Variants in CASZ1 observed in about 807,000 individuals in gnomAD.
CASZ1 encodes castor zinc finger 1, also known as zinc finger protein castor homolog 1.
In CASZ1, 28 loss-of-function variants were observed where a neutral mutation model predicts 135.2. The observed-to-expected ratio is 0.21, with a 90% CI of 0.15 to 0.28. The LOEUF (loss-of-function observed/expected upper bound fraction) is 0.28, where lower values mean the gene tolerates loss of function less well. Ranked by LOEUF, CASZ1 falls within the 10% of genes least tolerant of loss-of-function variation. The probability of loss-of-function intolerance (pLI) is 1.00; values close to 1 mark genes in which losing one functional copy is unlikely to be tolerated. For synonymous variants in CASZ1, 1,068 were observed against 1,073.4 expected, an observed-to-expected ratio of 0.99 and a Z score of 0.10; for missense variants, 2,161 against 2,453.3, an observed-to-expected ratio of 0.88 and a Z score of 2.52.
At chr1:10,793,438 G>T (rs555087062) in intron 1 of CASZ1, among the ~76,000 whole-genome samples, 1 of 152,108 alleles carries the variant, frequency 6.6e-6, no homozygotes, top group Non-Finnish European at 1.5e-5. Flanking sequence ...GTCTCGGCAA[G>T]GTGCAAAGTC....
rs1205544350 is a variant in CASZ1 at position 10,747,637 on chromosome 1, GTGACATCAAAGGC to G, written c.-77+13051_-77+13063del. ...CAAGAAACGGGAAAGAACCTGCCTT[GTGACATCAAAGGC>G]TGACATCAAAGGCTGCAGGGTCGAC... On this transcript the variant is annotated intron_variant, in intron 2 of 20. Coordinates refer to ENST00000377022, the MANE Select transcript of CASZ1 (RefSeq NM_001079843.3). The surrounding 1 kb of genome is among the most constrained non-coding windows in gnomAD (Gnocchi z 4.3). Among the ~76,000 whole-genome samples the G allele has an allele frequency of 2.0e-5, 3 of 152,114 alleles. No homozygotes were observed. The highest frequency in any genetic ancestry group is 2.9e-5 in the Non-Finnish European group (2 of 68,014).
chr1:10,747,246 G>A lies in CASZ1; in HGVS notation c.-77+13455C>T, dbSNP rs1367917828. Among the ~76,000 whole-genome samples, 1 of 152,214 alleles carries A rather than the reference G, an allele frequency of 6.6e-6. No homozygotes were observed. The highest frequency in any genetic ancestry group is 1.5e-5 in the Non-Finnish European group (1 of 68,042). ...CTAAGGGTGGGGCTGGGAAGCAAAG[G>A]GGAAGCCGTCCTTGGGAAGGTGGGG... On this transcript the variant is annotated intron_variant, in intron 2 of 20. Coordinates refer to ENST00000377022, the MANE Select transcript of CASZ1 (RefSeq NM_001079843.3). The surrounding 1 kb of genome is among the most constrained non-coding windows in gnomAD (Gnocchi z 4.3).
chr1:10,695,820 C>T (rs1004394723), intron 3 of CASZ1, among the ~76,000 whole-genome samples: 1 of 152,142 alleles, frequency 6.6e-6, no homozygotes, highest in East Asian at 1.9e-4. Flanking sequence ...ACTTAAGTGA[C>T]GCATCCGGCC....
chr1:10,649,460 A>G, intron 13 of CASZ1, 23 bp from the exon 14 acceptor site: 1 of 1,593,844 alleles, frequency 6.3e-7, no homozygotes, highest in Non-Finnish European at 8.6e-7. Flanking sequence ...GAGGCCGAGC[A>G]TGGGGCTGGG....
At chr1:10,663,311 C>T (rs1214509139) in intron 5 of CASZ1, among the ~76,000 whole-genome samples, 1 of 152,108 alleles carries the variant, frequency 6.6e-6, no homozygotes, top group Non-Finnish European at 1.5e-5. Flanking sequence ...AGGCTGTGGG[C>T]TCCGGGGAGG....
At chr1:10,669,424 A>G (rs1268748068) in intron 4 of CASZ1, among the ~76,000 whole-genome samples, 1 of 152,232 alleles carries the variant, frequency 6.6e-6, no homozygotes, top group Non-Finnish European at 1.5e-5. Flanking sequence ...GATTGCTACA[A>G]TAAATAATTT....
chr1:10,641,982 T>C (rs946150069), intron 20 of CASZ1: 17 of 150,240 alleles, frequency 1.1e-4, no homozygotes, highest in African/African-American at 3.9e-4. Flanking sequence ...GGAGGGTGGG[T>C]TGGGGTGATG....
rs747005527 is a variant in CASZ1, at chr1:10,725,320, C to A, written c.-76-19776G>T. Among the ~76,000 whole-genome samples the A allele has an allele frequency of 6.6e-6, 1 of 152,244 alleles. No individual in the cohort carries two copies. The highest frequency in any genetic ancestry group is 2.4e-5 in the African/African-American group (1 of 41,462). On this transcript the variant is annotated intron_variant, in intron 2 of 20. Coordinates refer to ENST00000377022, the MANE Select transcript of CASZ1 (RefSeq NM_001079843.3). This position sits in a 1 kb window ranked among gnomAD's most constrained non-coding sequence, Gnocchi z 4.4. ...CACCGTGGCCGCCTCCCGCTGCATGCGTGTGGCTGTCAGCTGAGCTCCCCT... is the reference window on the plus strand; with the variant it reads ...CACCGTGGCCGCCTCCCGCTGCATGAGTGTGGCTGTCAGCTGAGCTCCCCT...
chr1:10,671,263 C>T (rs116550987), intron 4 of CASZ1, among the ~76,000 whole-genome samples: 1 of 152,308 alleles, frequency 6.6e-6, no homozygotes, highest in Non-Finnish European at 1.5e-5. Context: ...AGAGTTACCA[C>T]CCAGGGGAGA....
At position 10,639,416 on chromosome 1, in the gene CASZ1, C is replaced by T. The variant is rs766290519; in HGVS notation, c.4806G>A (p.Glu1602=). The change falls in exon 21 of 21, where the codon GAG becomes GAA. Residue 1602 remains glutamate (E), a synonymous_variant. Transcript: ENST00000377022. The surrounding 1 kb of genome is among the most constrained non-coding windows in gnomAD (Gnocchi z 4.0). ...CGGGCGCGGGGCCCTCTGCCGCGGG[C>T]TCGCCGCGCTCCTGCTTCTCGTGCT... ...KRKHEKQERG[E]PAAEGPAPGP... The T allele has an allele frequency of 1.3e-6, 2 of 1,555,020 alleles. No homozygotes were observed. The highest frequency in any genetic ancestry group is 2.7e-5 in the African/African-American group (2 of 73,574).
Position 10,707,916 on chromosome 1 carries a change from G to C in CASZ1, c.-76-2372C>G, listed in dbSNP as rs1639209708. On this transcript the variant is annotated intron_variant, in intron 2 of 20. Transcript: ENST00000377022. The surrounding 1 kb of genome is among the most constrained non-coding windows in gnomAD (Gnocchi z 5.0). ...TGGGAAGACCCAGAGGACAGCAGGG[G>C]CCCTACACTCAGCGGGGCTGAAGTG... Among the ~76,000 whole-genome samples the C allele has an allele frequency of 6.6e-6, 1 of 152,122 alleles. No homozygotes were observed. Among genetic ancestry groups the C allele is most frequent in the South Asian group, 2.1e-4 (1 of 4,816 alleles).
chr1:10,650,500 A>G, intron 13 of CASZ1, 192 bp downstream of exon 13: 1 of 560,772 alleles, frequency 1.8e-6, no homozygotes, highest in Non-Finnish European at 3.1e-6. Flanking sequence ...TTCTTCAGCC[A>G]GTTCATTAAA....
At position 10,777,683 on chromosome 1, in the gene CASZ1, C is replaced by A. The variant is rs1433142792; in HGVS notation, c.-233-16826G>T. ...ACACAACCACACACCATCTCACACACAATCTCACACACACCATCTCATACA... is the reference window on the plus strand; with the variant it reads ...ACACAACCACACACCATCTCACACAAAATCTCACACACACCATCTCATACA... On this transcript the variant is annotated intron_variant, in intron 1 of 20. Coordinates refer to ENST00000377022, the MANE Select transcript of CASZ1 (RefSeq NM_001079843.3). This position sits in a 1 kb window ranked among gnomAD's most constrained non-coding sequence, Gnocchi z 4.4. Among the ~76,000 whole-genome samples, 3 of 151,870 alleles carry A rather than the reference C, an allele frequency of 2.0e-5. No individual in the cohort carries two copies. In the East Asian group the frequency reaches 5.8e-4, roughly 29 times the overall value.
chr1:10,668,048 C>G (rs928126624), intron 4 of CASZ1, among the ~76,000 whole-genome samples: 7 of 152,234 alleles, frequency 4.6e-5, no homozygotes, highest in Non-Finnish European at 1.0e-4. Context: ...CCCTCCCTCT[C>G]CCTCTCTTGC....
At chr1:10,655,613 C>T (rs758795451) in intron 9 of CASZ1, 36 bp downstream of exon 9, 15 of 1,585,686 alleles carry the variant, frequency 9.5e-6, no homozygotes, top group Non-Finnish European at 1.3e-5. Context: ...TGGGCCAGTC[C>T]TGCAGCTGCC....
chr1:10,644,032 C>T (rs1220210037), intron 18 of CASZ1, among the ~76,000 whole-genome samples: 1 of 152,236 alleles, frequency 6.6e-6, no homozygotes, highest in African/African-American at 2.4e-5. Context: ...TACTTGAAGG[C>T]AAGGTTTGTT....
Position 10,711,177 on chromosome 1 carries a change from AGAATTGAGTTT to A in CASZ1, c.-76-5644_-76-5634del, listed in dbSNP as rs1462237254. 3.3e-5 allele frequency among the ~76,000 whole-genome samples: 5 copies of A among 152,204 alleles called. No homozygotes were observed. Among genetic ancestry groups the A allele is most frequent in the African/African-American group, 1.2e-4 (5 of 41,446 alleles). The stretch of plus-strand genomic sequence containing the variant: ...ACAGCATACAAAAGTCGAGTTGGTG[AGAATTGAGTTT>A]GAATCCTGCCTCTGCTGCCTCCTGC... On this transcript the variant is annotated intron_variant, in intron 2 of 20. Coordinates refer to ENST00000377022, the MANE Select transcript of CASZ1 (RefSeq NM_001079843.3). This position sits in a 1 kb window ranked among gnomAD's most constrained non-coding sequence, Gnocchi z 4.4.
Position 10,642,646 on chromosome 1 carries a change from G to A in CASZ1, c.4162+213C>T, listed in dbSNP as rs1022462285. 1.5e-4 allele frequency among the ~76,000 whole-genome samples: 23 copies of A among 152,284 alleles called. No individual in the cohort carries two copies. The East Asian group carries it at 4.1e-3, about 27-fold the overall frequency. On this transcript the variant is annotated intron_variant, in intron 20 of 20. Coordinates refer to ENST00000377022, the MANE Select transcript of CASZ1 (RefSeq NM_001079843.3). ...GAGGACGGGCCCAGGGTCCTCTCCC[G>A]GAAACTGACGCAAAGGGCAGTGCCA...
chr1:10,749,767 G>A (rs1305026325), intron 2 of CASZ1, among the ~76,000 whole-genome samples: 1 of 152,156 alleles, frequency 6.6e-6, no homozygotes, highest in East Asian at 1.9e-4. Flanking sequence ...GGCTGAGCGT[G>A]CCCCTATTTC....
Sources: allele counts gnomAD v4.1 joint callset (sites outside exome capture counted in the v4.1 genomes callset), GRCh38; gene constraint gnomAD v4.1.1; non-coding constraint Gnocchi (gnomAD v3.1); transcripts MANE v1.5; gene names NCBI Gene and HGNC (gene_info 2026-07-23, HGNC 2026-07-21).